TBC1D2B: variants seen among roughly 807,000 people sequenced by gnomAD.
The protein encoded by TBC1D2B is TBC1 domain family member 2B, also known as TBC1 domain family, member 2B.
Under a neutral mutation model 100.8 loss-of-function variants are expected in TBC1D2B, and 64 were observed. That is an observed-to-expected ratio of 0.64 (90% CI 0.52 to 0.78). TBC1D2B has a LOEUF of 0.78. TBC1D2B is among the 30% of genes least tolerant of loss of function. TBC1D2B has a pLI of 0.00. For synonymous variants in TBC1D2B, 480 were observed against 479.7 expected (o/e 1.00, Z -0.01); for missense variants, 1,052 against 1,218.4 (o/e 0.86, Z 2.03).
At chr15:78,040,851 A>AAAGGAAGGAAGG (rs1188570411) in intron 3 of TBC1D2B, among the ~76,000 whole-genome samples, 5 of 134,342 alleles carry the variant, frequency 3.7e-5, no homozygotes, top group African/African-American at 1.4e-4. Flanking sequence ...AGAAAGAAAG[A>AAAGGAAGGAAGG]AAGGAAGAAA....
intron 9 of TBC1D2B, among the ~76,000 whole-genome samples, chr15:78,010,044 A>G (rs2072182619): frequency 6.6e-6 from 1 of 152,202 alleles, no homozygotes; most frequent in Admixed American, 6.5e-5. Flanking sequence ...AGTTCCAAAT[A>G]ACCCTTTTAT....
intron 12 of TBC1D2B, among the ~76,000 whole-genome samples, chr15:78,001,215 G>A (rs1233901670): frequency 1.3e-5 from 2 of 152,128 alleles, no homozygotes; most frequent in African/African-American, 4.8e-5. Flanking sequence ...TCCGGCCTGG[G>A]ATCCCTCTAC....
intron 3 of TBC1D2B, among the ~76,000 whole-genome samples, chr15:78,041,513 A>T (rs2073094225): frequency 6.6e-6 from 1 of 152,258 alleles, no homozygotes; most frequent in Non-Finnish European, 1.5e-5. Flanking sequence ...AGAATAAAAG[A>T]ATAAACCTTC....
In TBC1D2B at chr15:78,077,666, C is replaced by G. The variant is rs972689714; in HGVS notation, c.-14G>C. ...GGCCCCCGGCATCGCTACCGCGCGCCAACCGTAGGCGCCCGCGCCCTGCGC... is the reference window on the plus strand; with the variant it reads ...GGCCCCCGGCATCGCTACCGCGCGCGAACCGTAGGCGCCCGCGCCCTGCGC... On this transcript the variant is annotated 5_prime_UTR_variant, in exon 1 of 13. Coordinates refer to ENST00000300584, the MANE Select transcript of TBC1D2B (RefSeq NM_144572.2). 2 of 986,020 alleles carry G rather than the reference C, an allele frequency of 2.0e-6. No homozygotes were observed. Among genetic ancestry groups the G allele is most frequent in the African/African-American group, 3.5e-5 (2 of 56,866 alleles). The allele number at this position is 986,020 out of a possible 1,614,324, so 61.1% of individuals were successfully genotyped here.
chr15:78,008,507 C>A (rs1432231667), intron 10 of TBC1D2B, among the ~76,000 whole-genome samples: 2 of 152,240 alleles, frequency 1.3e-5, no homozygotes, highest in African/African-American at 4.8e-5. Context: ...ATGGTGGTCA[C>A]TGCACAGGGT....
chr15:78,069,180 T>C (rs1311135750), intron 1 of TBC1D2B, among the ~76,000 whole-genome samples: 5 of 152,174 alleles, frequency 3.3e-5, no homozygotes, highest in Non-Finnish European at 7.3e-5. Flanking sequence ...CTTCCATTTC[T>C]CAAGAAATCG....
intron 1 of TBC1D2B, among the ~76,000 whole-genome samples, chr15:78,060,989 T>C (rs984842463): frequency 4.6e-5 from 7 of 151,762 alleles, no homozygotes; most frequent in Non-Finnish European, 8.8e-5. Flanking sequence ...CTCATGCCTG[T>C]AATCCCAGCA....
intron 1 of TBC1D2B, among the ~76,000 whole-genome samples, chr15:78,061,108 G>A (rs1483195698): frequency 4.6e-5 from 7 of 151,836 alleles, no homozygotes; most frequent in African/African-American, 1.5e-4. Context: ...ACCAGGTGTG[G>A]TGGCACACTC....
chr15:78,040,885 AGAGAG>A (rs1567026288), intron 3 of TBC1D2B, among the ~76,000 whole-genome samples: 41 of 144,894 alleles, frequency 2.8e-4, no homozygotes, highest in African/African-American at 1.0e-3. Context: ...AAAGAAAGAG[AGAGAG>A]AGAGAAAGAA....
chr15:78,056,750 G>A (rs922700488), intron 1 of TBC1D2B, among the ~76,000 whole-genome samples: 1 of 143,286 alleles, frequency 7.0e-6, no homozygotes, highest in Non-Finnish European at 1.5e-5. Context: ...AGAAAGGGAA[G>A]TGACTTGTCT....
At chr15:78,060,445 C>T (rs1316011730) in intron 1 of TBC1D2B, among the ~76,000 whole-genome samples, 2 of 149,564 alleles carry the variant, frequency 1.3e-5, no homozygotes, top group African/African-American at 4.9e-5. Context: ...TGAGACCAGC[C>T]TGAGCAACAT....
At chr15:78,076,683 G>A (rs1303489483) in intron 1 of TBC1D2B, among the ~76,000 whole-genome samples, 1 of 152,118 alleles carries the variant, frequency 6.6e-6, no homozygotes, top group East Asian at 1.9e-4. Flanking sequence ...GCCCAGGCAT[G>A]GAGGCTGCAG....
At chr15:78,022,872 G>C (rs902319760) in intron 6 of TBC1D2B, among the ~76,000 whole-genome samples, 1 of 151,912 alleles carries the variant, frequency 6.6e-6, no homozygotes, top group Non-Finnish European at 1.5e-5. Flanking sequence ...TTAAATAGTA[G>C]ATATAAGTGT....
chr15:78,062,923 C>T (rs2073577889), intron 1 of TBC1D2B, among the ~76,000 whole-genome samples: 1 of 152,210 alleles, frequency 6.6e-6, no homozygotes, highest in Admixed American at 6.5e-5. Flanking sequence ...CCCAGCTCTG[C>T]TACTGGCTGG....
chr15:78,018,722 G>A (rs145136345), intron 6 of TBC1D2B, among the ~76,000 whole-genome samples: 14 of 152,322 alleles, frequency 9.2e-5, no homozygotes, highest in African/African-American at 3.4e-4. Flanking sequence ...CAAGAAAGCT[G>A]AAAGGATCCA....
chr15:78,071,027 G>A (rs1446643084), intron 1 of TBC1D2B, among the ~76,000 whole-genome samples: 1 of 152,210 alleles, frequency 6.6e-6, no homozygotes, highest in Admixed American at 6.5e-5. Flanking sequence ...TCACCATGCT[G>A]GTCAGGCTGG....
intron 4 of TBC1D2B, 137 bp from the exon 5 acceptor site, chr15:78,025,634 C>T (rs923285969): frequency 7.6e-5 from 43 of 567,378 alleles, no homozygotes; most frequent in Admixed American, 2.1e-4. Context: ...TCATGCCATT[C>T]TCCTGCCTCA....
chr15:78,015,942 G>T (rs2072362169), intron 8 of TBC1D2B, among the ~76,000 whole-genome samples: 1 of 152,164 alleles, frequency 6.6e-6, no homozygotes, highest in South Asian at 2.1e-4. Context: ...CTACAGGGGT[G>T]GGGCAGGAGA....
At position 78,017,859 on chromosome 15, in the gene TBC1D2B, A is replaced by G; in HGVS notation, c.1569T>C (p.Asp523=). The G allele has an allele frequency of 6.2e-7, 1 of 1,608,894 alleles. No homozygotes were observed. Among genetic ancestry groups the G allele is most frequent in the South Asian group, 1.1e-5 (1 of 90,222 alleles). Residue 523 remains aspartate, a synonymous_variant, in exon 7 of 13, where the codon GAT becomes GAC. Transcript: ENST00000300584. The part of the protein sequence containing the change: ...LRRNAERRER[D]LMAKYSSLEA... ...TATCCTGACCCACCTTTGCCATCAG[A>G]TCCCTCTCTCTCCTTTCTGCATTTC...
Sources: allele counts gnomAD v4.1 joint callset (sites outside exome capture counted in the v4.1 genomes callset), GRCh38; gene constraint gnomAD v4.1.1; transcripts MANE v1.5; gene names NCBI Gene and HGNC (gene_info 2026-07-23, HGNC 2026-07-21).